The following SEL1L2 variants were observed in gnomAD, a reference collection of about 807,000 sequenced individuals.
SEL1L2 encodes the protein protein sel-1 homolog 2.
In SEL1L2, 89 loss-of-function variants were observed where a neutral mutation model predicts 98.8. The observed-to-expected ratio is 0.90, with a 90% CI of 0.76 to 1.07. The LOEUF is 1.07. Ranked by LOEUF, SEL1L2 falls within the 50% of genes least tolerant of loss-of-function variation. SEL1L2 has a pLI of 0.00. For synonymous variants in SEL1L2, 262 were observed against 278.5 expected (o/e 0.94, Z 0.59); for missense variants, 788 against 812.0 (o/e 0.97, Z 0.36).
intron 1 of SEL1L2, among the ~76,000 whole-genome samples, chr20:13,969,151 T>C (rs915753579): frequency 5.3e-5 from 8 of 152,244 alleles, no homozygotes; most frequent in African/African-American, 1.9e-4. Flanking sequence ...ACTTGTTTTG[T>C]TGTCACTAGT....
intron 2 of SEL1L2, among the ~76,000 whole-genome samples, chr20:13,938,572 ATCCAT>A (rs1186868920): frequency 6.6e-6 from 1 of 152,206 alleles, no homozygotes; most frequent in Non-Finnish European, 1.5e-5. Flanking sequence ...ATTCACAATC[ATCCAT>A]TCCAATTGCC....
intron 3 of SEL1L2, among the ~76,000 whole-genome samples, chr20:13,922,697 G>A (rs951924232): frequency 3.3e-5 from 5 of 152,118 alleles, no homozygotes; most frequent in South Asian, 4.2e-4. Flanking sequence ...TATTCACCTC[G>A]CTCACTTGTT....
chr20:13,957,225 C>A (rs1352973802), intron 1 of SEL1L2, among the ~76,000 whole-genome samples: 1 of 152,032 alleles, frequency 6.6e-6, no homozygotes, highest in African/African-American at 2.4e-5. Context: ...CTCAGCCTCC[C>A]AAGTAGCTGG....
intron 10 of SEL1L2, among the ~76,000 whole-genome samples, chr20:13,883,184 T>A (rs1401949169): frequency 6.6e-6 from 1 of 152,134 alleles, no homozygotes; most frequent in East Asian, 1.9e-4. Flanking sequence ...GTCATTAGGC[T>A]GAGGGGAGAA....
At chr20:13,863,712 C>T (rs1990533184) in intron 17 of SEL1L2, among the ~76,000 whole-genome samples, 1 of 152,082 alleles carries the variant, frequency 6.6e-6, no homozygotes, top group Non-Finnish European at 1.5e-5. Context: ...AGGCTGATGC[C>T]TGTAATCCAA....
chr20:13,851,493 C>G (rs1467995558), intron 18 of SEL1L2: 1 of 151,692 alleles, frequency 6.6e-6, no homozygotes, highest in Non-Finnish European at 1.5e-5. Context: ...ATTTTTGGCT[C>G]TCATGTTGAA....
chr20:13,983,219 A>G (rs1434130962), intron 1 of SEL1L2, among the ~76,000 whole-genome samples: 1 of 152,018 alleles, frequency 6.6e-6, no homozygotes, highest in African/African-American at 2.4e-5. Context: ...GAAATAACTC[A>G]GTAACTTTTT....
At chr20:13,881,301 C>T (rs2046691181) in intron 10 of SEL1L2, among the ~76,000 whole-genome samples, 3 of 152,146 alleles carry the variant, frequency 2.0e-5, no homozygotes, top group South Asian at 4.1e-4. Flanking sequence ...CGTGAGCCAC[C>T]GTGCCTGGCC....
intron 3 of SEL1L2, among the ~76,000 whole-genome samples, chr20:13,924,078 A>AT (rs2048775421): frequency 6.6e-6 from 1 of 152,052 alleles, no homozygotes; most frequent in Non-Finnish European, 1.5e-5. Flanking sequence ...TCTCCCTATT[A>AT]TTGACTTTAC....
chr20:13,974,929 TTAA>T (rs2051465754), intron 1 of SEL1L2, among the ~76,000 whole-genome samples: 1 of 152,152 alleles, frequency 6.6e-6, no homozygotes, highest in African/African-American at 2.4e-5. Flanking sequence ...GTTTCCAGAG[TTAA>T]TGTTTTCTTG....
intron 15 of SEL1L2, among the ~76,000 whole-genome samples, chr20:13,866,010 T>A (rs1419127483): frequency 6.6e-6 from 1 of 152,130 alleles, no homozygotes; most frequent in African/African-American, 2.4e-5. Context: ...GGGGGACAAA[T>A]GTCAACTTAG....
intron 10 of SEL1L2, among the ~76,000 whole-genome samples, chr20:13,878,163 C>T (rs2046521557): frequency 6.6e-6 from 1 of 152,178 alleles, no homozygotes; most frequent in Admixed American, 6.5e-5. Flanking sequence ...AAATGAAGCA[C>T]TCTGTCTAGA....
At chr20:13,914,905 G>A (rs996532557) in intron 4 of SEL1L2, among the ~76,000 whole-genome samples, 1 of 152,204 alleles carries the variant, frequency 6.6e-6, no homozygotes, top group Non-Finnish European at 1.5e-5. Flanking sequence ...ATCTGGACCT[G>A]ATTGGTATAA....
chr20:13,918,617 G>A (rs1370499167), intron 4 of SEL1L2, among the ~76,000 whole-genome samples: 2 of 152,180 alleles, frequency 1.3e-5, no homozygotes, highest in Admixed American at 1.3e-4. Context: ...ATACATGAAA[G>A]TGCTTTTAAA....
intron 3 of SEL1L2, among the ~76,000 whole-genome samples, chr20:13,931,322 G>A (rs1463014486): frequency 6.6e-6 from 1 of 152,008 alleles, no homozygotes; most frequent in Non-Finnish European, 1.5e-5. Flanking sequence ...GAGCCACCGC[G>A]CCTGGCCTGA....
chr20:13,957,543 T>G (rs1859722988), intron 1 of SEL1L2, among the ~76,000 whole-genome samples: 1 of 152,240 alleles, frequency 6.6e-6, no homozygotes, highest in African/African-American at 2.4e-5. Flanking sequence ...TGATTCATAT[T>G]TAGTCCTCTG....
At chr20:13,964,551 C>G (rs906192236) in intron 1 of SEL1L2, among the ~76,000 whole-genome samples, 1 of 146,986 alleles carries the variant, frequency 6.8e-6, no homozygotes, top group African/African-American at 2.5e-5. Context: ...CTCCCTGGTT[C>G]AAGCGATTCT....
chr20:13,929,435 T>A (rs947922693), intron 3 of SEL1L2, among the ~76,000 whole-genome samples: 12 of 149,134 alleles, frequency 8.0e-5, no homozygotes, highest in African/African-American at 3.0e-4. Flanking sequence ...TGCCATCTAA[T>A]CTCCCCTGTC....
chr20:13,926,035 A>G (rs935970930), intron 3 of SEL1L2, among the ~76,000 whole-genome samples: 17 of 152,210 alleles, frequency 1.1e-4, no homozygotes, highest in Non-Finnish European at 8.8e-5. Flanking sequence ...AGGGACCTTC[A>G]GGGCCGGGAG....
Sources: allele counts gnomAD v4.1 joint callset (sites outside exome capture counted in the v4.1 genomes callset), GRCh38; gene constraint gnomAD v4.1.1; transcripts MANE v1.5; gene names NCBI Gene and HGNC (gene_info 2026-07-23, HGNC 2026-07-21).